Variants in UBE2E1 observed in about 807,000 individuals in gnomAD.
The protein encoded by UBE2E1 is ubiquitin conjugating enzyme E2 E1.
A neutral mutation model predicts 21.4 loss-of-function variants in UBE2E1; 6 were observed. That is an observed-to-expected ratio of 0.28 (90% CI 0.15 to 0.55). The LOEUF is 0.55. Among genes scored for constraint, UBE2E1 ranks in the 20% least tolerant of loss-of-function variants. The pLI, the probability that UBE2E1 is intolerant of heterozygous loss-of-function variation, is 0.93. For synonymous variants in UBE2E1, 87 were observed against 82.7 expected (o/e 1.05, Z -0.28); for missense variants, 142 against 236.5 (o/e 0.60, Z 2.62).
rs886795621 is a variant in UBE2E1, at chr3:23,808,219, G to C, written c.152+798G>C. On this transcript the variant is annotated intron_variant, in intron 2 of 5. Coordinates refer to ENST00000306627, the MANE Select transcript of UBE2E1 (RefSeq NM_003341.5). This position sits in a 1 kb window ranked among gnomAD's most constrained non-coding sequence, Gnocchi z 4.9. ...ACTTTTTATCCCTGCCATCCTAAGC[G>C]GTCACCCTTTTTCTTTATTCTTTTC... Among the ~76,000 whole-genome samples, 1 of 151,900 alleles carries C rather than the reference G, an allele frequency of 6.6e-6. No individual in the cohort carries two copies. Among genetic ancestry groups the C allele is most frequent in the African/African-American group, 2.4e-5 (1 of 41,314 alleles).
Position 23,879,082 on chromosome 3 carries a change from T to C in UBE2E1, c.204-8485T>C, listed in dbSNP as rs372039441. The stretch of plus-strand genomic sequence containing the variant: ...AACAATGTATCAGTTCCTGAGAGAA[T>C]GAGTTCCTGAAGTCTTGCTGTTAGC... On this transcript the variant is annotated intron_variant, in intron 3 of 5. Transcript: ENST00000306627. The C allele has an allele frequency of 1.0e-5, 5 of 497,548 alleles. No homozygotes were observed. The East Asian group carries it at 2.8e-4, about 28-fold the overall frequency. The allele number at this position is 497,548 out of a possible 1,614,324, so 30.8% of individuals were successfully genotyped here. A position where few individuals can be genotyped will look rare whatever the true frequency, so the allele number is the denominator to read the frequency against.
chr3:23,827,509 A>G (rs983311328), intron 3 of UBE2E1, among the ~76,000 whole-genome samples: 1 of 152,160 alleles, frequency 6.6e-6, no homozygotes, highest in African/African-American at 2.4e-5. Flanking sequence ...AAATGAGGAA[A>G]GAGAACCTTA....
At chr3:23,848,463 CTGTCTCA>C (rs1413759792) in intron 3 of UBE2E1, among the ~76,000 whole-genome samples, 3 of 132,510 alleles carry the variant, frequency 2.3e-5, no homozygotes, top group African/African-American at 8.8e-5. Context: ...GAGTGAGACT[CTGTCTCA>C]AAAAAAAAAA....
chr3:23,857,131 G>A (rs940965157), intron 3 of UBE2E1, among the ~76,000 whole-genome samples: 7 of 152,110 alleles, frequency 4.6e-5, no homozygotes, highest in Non-Finnish European at 1.0e-4. Context: ...CACATGTAGA[G>A]GGATCTGTGT....
intron 3 of UBE2E1, among the ~76,000 whole-genome samples, chr3:23,874,547 C>T (rs888547950): frequency 6.6e-6 from 1 of 152,132 alleles, no homozygotes; most frequent in Non-Finnish European, 1.5e-5. Flanking sequence ...TGGACTCCAC[C>T]ATAAGGCAGA....
intron 3 of UBE2E1, among the ~76,000 whole-genome samples, chr3:23,871,700 G>A (rs1425351576): frequency 2.6e-5 from 4 of 151,422 alleles, no homozygotes; most frequent in South Asian, 2.1e-4. Flanking sequence ...AGACGGGGTC[G>A]CGGCCGGGTA....
intron 3 of UBE2E1, among the ~76,000 whole-genome samples, chr3:23,884,932 T>C (rs1484956575): frequency 2.0e-5 from 3 of 152,244 alleles, no homozygotes; most frequent in African/African-American, 7.2e-5. Flanking sequence ...TTTTCATATA[T>C]AGTCCACTTT....
Position 23,889,098 on chromosome 3 carries a change from C to T in UBE2E1, c.337-14C>T, listed in dbSNP as rs1701277159. On this transcript the variant is annotated splice_polypyrimidine_tract_variant and intron_variant, in intron 4 of 5. Coordinates refer to ENST00000306627, the MANE Select transcript of UBE2E1 (RefSeq NM_003341.5). ...TTTGCTGTTTAAATATTGTCTGTCA[C>T]TTGTTTTTTTTAGGTTACATTTCGG... 6.3e-7 allele frequency: 1 copy of T among 1,585,890 alleles called. No individual in the cohort carries two copies. Among genetic ancestry groups the T allele is most frequent in the East Asian group, 2.3e-5 (1 of 44,204 alleles).
intron 3 of UBE2E1, among the ~76,000 whole-genome samples, chr3:23,813,449 G>T (rs974151114): frequency 1.3e-5 from 2 of 151,952 alleles, no homozygotes; most frequent in Non-Finnish European, 2.9e-5. Flanking sequence ...AAAAGAGTTC[G>T]GTTTTACGTT....
At position 23,844,774 on chromosome 3, in the gene UBE2E1, T is replaced by G. The variant is rs1575010434; in HGVS notation, c.203+33264T>G. Among the ~76,000 whole-genome samples, 4 of 152,256 alleles carry G rather than the reference T, an allele frequency of 2.6e-5. No homozygotes were observed. In the Middle Eastern group the frequency reaches 0.01, roughly 388 times the overall value. On this transcript the variant is annotated intron_variant, in intron 3 of 5. Transcript: ENST00000306627. ...ATGTTCATGAACATGTAGGTCAGTC[T>G]TAGGTGTTATGCGTGGGAGATGGGT...
chr3:23,821,495 A>G (rs1392891228), intron 3 of UBE2E1, among the ~76,000 whole-genome samples: 3 of 152,212 alleles, frequency 2.0e-5, no homozygotes, highest in African/African-American at 7.2e-5. Context: ...CTGCATGGAA[A>G]ATAGCTGGGA....
chr3:23,831,540 A>G (rs1459291740), intron 3 of UBE2E1, among the ~76,000 whole-genome samples: 5 of 146,576 alleles, frequency 3.4e-5, no homozygotes, highest in Admixed American at 6.8e-5. Flanking sequence ...TTTTCGAGAC[A>G]TGGTCCCACT....
chr3:23,855,598 G>A, intron 3 of UBE2E1, among the ~76,000 whole-genome samples: 1 of 152,138 alleles, frequency 6.6e-6, no homozygotes, highest in East Asian at 1.9e-4. Context: ...GGGAGGCCGA[G>A]GTGGGCGGAT....
rs1474228435 is a variant in UBE2E1, at chr3:23,891,102, TGAG to T, written c.*497_*499del. ...TGGCTATAAAACACCATATAAGAGA[TGAG>T]TAGTGCGTTTTATTTTATATGCCAA... On this transcript the variant is annotated 3_prime_UTR_variant, in exon 6 of 6. Transcript: ENST00000306627. 6.5e-6 allele frequency: 1 copy of T among 152,678 alleles called. No individual in the cohort carries two copies. The highest frequency in any genetic ancestry group is 1.9e-4 in the East Asian group (1 of 5,192). The allele number at this position is 152,678 out of a possible 1,614,324, so 9.5% of individuals were successfully genotyped here.
chr3:23,812,607 A>G (rs1485479861), intron 3 of UBE2E1, among the ~76,000 whole-genome samples: 4 of 152,224 alleles, frequency 2.6e-5, no homozygotes, highest in African/African-American at 9.6e-5. Flanking sequence ...CCTGTTTTGT[A>G]AGGAAAGTCA....
At chr3:23,873,086 T>A (rs1260512562) in intron 3 of UBE2E1, among the ~76,000 whole-genome samples, 1 of 152,222 alleles carries the variant, frequency 6.6e-6, no homozygotes, top group African/African-American at 2.4e-5. Flanking sequence ...AATGTCTGAC[T>A]TCTTAGCAGA....
intron 3 of UBE2E1, among the ~76,000 whole-genome samples, chr3:23,859,621 A>T (rs1178624488): frequency 6.6e-6 from 1 of 152,258 alleles, no homozygotes; most frequent in African/African-American, 2.4e-5. Flanking sequence ...TTTGCCAGTT[A>T]GCAGCTGAAT....
intron 3 of UBE2E1, among the ~76,000 whole-genome samples, chr3:23,839,953 G>T (rs1700051325): frequency 6.6e-6 from 1 of 152,036 alleles, no homozygotes; most frequent in African/African-American, 2.4e-5. Flanking sequence ...TGTTTGTTCA[G>T]TTTCTTGGCT....
At chr3:23,815,965 A>T (rs1699507107) in intron 3 of UBE2E1, among the ~76,000 whole-genome samples, 1 of 152,204 alleles carries the variant, frequency 6.6e-6, no homozygotes, top group Non-Finnish European at 1.5e-5. Flanking sequence ...GCACGATCAA[A>T]ACAGCACCCA....
Sources: allele counts gnomAD v4.1 joint callset (sites outside exome capture counted in the v4.1 genomes callset), GRCh38; gene constraint gnomAD v4.1.1; non-coding constraint Gnocchi (gnomAD v3.1); transcripts MANE v1.5; gene names NCBI Gene and HGNC (gene_info 2026-07-23, HGNC 2026-07-21).